The following UBE2K variants were observed in gnomAD, a reference collection of about 807,000 sequenced individuals.
UBE2K encodes the protein ubiquitin conjugating enzyme E2 K.
Under a neutral mutation model 30.0 loss-of-function variants are expected in UBE2K, and 6 were observed. The observed-to-expected ratio is 0.20, with a 90% CI of 0.11 to 0.39. UBE2K has a LOEUF of 0.39. Ranked by LOEUF, UBE2K falls within the 10% of genes least tolerant of loss-of-function variation. The pLI is 1.00. For synonymous variants in UBE2K, 86 were observed against 83.7 expected, an observed-to-expected ratio of 1.03 and a Z score of -0.15; for missense variants, 61 against 241.6, an observed-to-expected ratio of 0.25 and a Z score of 4.96.
chr4:39,751,824 G>C (rs997616628), intron 3 of UBE2K, among the ~76,000 whole-genome samples: 1 of 151,844 alleles, frequency 6.6e-6, no homozygotes, highest in Non-Finnish European at 1.5e-5. Flanking sequence ...AAAATTAGTC[G>C]GGTGTGGTGG....
At position 39,780,705 on chromosome 4, in the gene UBE2K, A is replaced by G. The variant is rs1358495150; in HGVS notation, c.*2271A>G. 1 of 151,950 alleles carries G rather than the reference A, an allele frequency of 6.6e-6. No individual in the cohort carries two copies. Among genetic ancestry groups the G allele is most frequent in the South Asian group, 2.1e-4 (1 of 4,832 alleles). 9.4% of individuals were successfully genotyped at this position (151,950 alleles called of 1,614,324 possible). A position where few individuals can be genotyped will look rare whatever the true frequency, so the allele number is the denominator to read the frequency against. On this transcript the variant is annotated 3_prime_UTR_variant, in exon 7 of 7. Coordinates refer to ENST00000261427, the MANE Select transcript of UBE2K (RefSeq NM_005339.5). ...GATGATCTTTTTTTTCCTTTCTGGT[A>G]TATTTCCCACTGTACTGTTTGGTTT... is the stretch of plus-strand genomic sequence containing the variant.
At chr4:39,709,577 G>T (rs1447248254) in intron 1 of UBE2K, among the ~76,000 whole-genome samples, 2 of 151,988 alleles carry the variant, frequency 1.3e-5, no homozygotes, top group African/African-American at 4.8e-5. Context: ...TTAATTTATA[G>T]ATTAAACTTT....
chr4:39,713,286 A>ATTTTTTTTTTTTTTTTTTTTT, intron 1 of UBE2K, among the ~76,000 whole-genome samples: 1 of 83,568 alleles, frequency 1.2e-5, no homozygotes, highest in Admixed American at 1.8e-4. Context: ...TCTGTAGGAA[A>ATTTTTTTTTTTTTTTTTTTTT]TTTTTTTTTT....
intron 1 of UBE2K, among the ~76,000 whole-genome samples, chr4:39,734,804 C>T (rs114052020): frequency 6.6e-5 from 10 of 152,058 alleles, no homozygotes; most frequent in African/African-American, 1.7e-4. Flanking sequence ...GGAGTGAGAC[C>T]GTGTCTTAAA....
At chr4:39,750,492 C>T (rs1393771125) in intron 3 of UBE2K, among the ~76,000 whole-genome samples, 1 of 152,134 alleles carries the variant, frequency 6.6e-6, no homozygotes, top group African/African-American at 2.4e-5. Flanking sequence ...CTTCCCAAAG[C>T]TAGTGAGTGT....
intron 4 of UBE2K, among the ~76,000 whole-genome samples, chr4:39,764,374 C>A (rs545480013): frequency 6.6e-6 from 1 of 151,038 alleles, no homozygotes; most frequent in African/African-American, 2.4e-5. Context: ...TCTAAATTTG[C>A]AGCTCTAGAT....
At chr4:39,748,102 T>A (rs1226670167) in intron 3 of UBE2K, among the ~76,000 whole-genome samples, 2 of 152,236 alleles carry the variant, frequency 1.3e-5, no homozygotes, top group African/African-American at 4.8e-5. Context: ...TCAGTAAAGG[T>A]GTAGCCTTTA....
intron 1 of UBE2K, among the ~76,000 whole-genome samples, chr4:39,704,131 C>T (rs185121461): frequency 2.0e-5 from 3 of 151,834 alleles, no homozygotes; most frequent in East Asian, 1.9e-4. Context: ...TGGCTCACAT[C>T]GGTAATTGCA....
intron 1 of UBE2K, among the ~76,000 whole-genome samples, chr4:39,704,220 C>T (rs1190057449): frequency 1.3e-5 from 2 of 151,906 alleles, no homozygotes; most frequent in East Asian, 1.9e-4. Context: ...TGTGCCACTG[C>T]ACTCCAGCCT....
chr4:39,736,524 C>T (rs1341943564), intron 1 of UBE2K, among the ~76,000 whole-genome samples: 1 of 152,170 alleles, frequency 6.6e-6, no homozygotes, highest in East Asian at 1.9e-4. Context: ...AGAGGATTTA[C>T]TGTATTTTTA....
intron 4 of UBE2K, among the ~76,000 whole-genome samples, chr4:39,773,131 A>G (rs562537551): frequency 6.6e-6 from 1 of 152,314 alleles, no homozygotes; most frequent in African/African-American, 2.4e-5. Context: ...GTTTAATCCA[A>G]AAAACTTGTC....
intron 1 of UBE2K, among the ~76,000 whole-genome samples, chr4:39,703,708 A>G (rs1328758453): frequency 2.6e-5 from 4 of 151,710 alleles, no homozygotes; most frequent in Non-Finnish European, 4.4e-5. Context: ...TTAGCCGGGC[A>G]TGGTGGTGAG....
chr4:39,775,349 T>G (rs1225515449), intron 5 of UBE2K, among the ~76,000 whole-genome samples: 1 of 152,230 alleles, frequency 6.6e-6, no homozygotes, highest in South Asian at 2.1e-4. Context: ...ACCTTGTAAT[T>G]TGTTGAACAG....
chr4:39,772,035 C>T (rs1258076484), intron 4 of UBE2K, among the ~76,000 whole-genome samples: 1 of 152,124 alleles, frequency 6.6e-6, no homozygotes, highest in African/African-American at 2.4e-5. Context: ...CAGTGTTTCG[C>T]CATGTTGCCC....
At position 39,698,454 on chromosome 4, in the gene UBE2K, G is replaced by A. The variant is rs952072005; in HGVS notation, c.63+64G>A. The A allele has an allele frequency of 7.5e-6, 11 of 1,475,936 alleles. No individual in the cohort carries two copies. The African/African-American group carries it at 1.4e-4, about 19-fold the overall frequency. 91.4% of individuals were successfully genotyped at this position (1,475,936 alleles called of 1,614,324 possible). ...GGGGCGGGAGGGTCCTCCCAGCTGC[G>A]ACCCCGATATCCCCGGTAGTCCCTG... On this transcript the variant is annotated intron_variant, in intron 1 of 6. Transcript: ENST00000261427.
At chr4:39,726,181 T>A (rs948413144) in intron 1 of UBE2K, among the ~76,000 whole-genome samples, 3 of 152,022 alleles carry the variant, frequency 2.0e-5, no homozygotes, top group African/African-American at 7.2e-5. Context: ...ATCCTCCCTA[T>A]ATGTCTGTCT....
At chr4:39,737,549 AT>A in intron 2 of UBE2K, 36 bp downstream of exon 2, 1 of 1,298,834 alleles carries the variant, frequency 7.7e-7, no homozygotes, top group South Asian at 1.4e-5. Flanking sequence ...TATTGTGCGT[AT>A]TAGAACTTGT....
At position 39,778,511 on chromosome 4, in the gene UBE2K, C is replaced by A; in HGVS notation, c.*77C>A. 1.0e-6 allele frequency: 1 copy of A among 969,724 alleles called. No homozygotes were observed. Among genetic ancestry groups the A allele is most frequent in the Non-Finnish European group, 1.6e-6 (1 of 633,472 alleles). The allele number at this position is 969,724 out of a possible 1,614,324, so 60.1% of individuals were successfully genotyped here. On this transcript the variant is annotated 3_prime_UTR_variant, in exon 7 of 7. Transcript: ENST00000261427. The stretch of plus-strand genomic sequence containing the variant: ...AACATCTGTTATTTTTAGGATTCTG[C>A]ATAGATTTCTTTTAAACTGGCATTC...
At chr4:39,698,578 G>C (rs1363333017) in intron 1 of UBE2K, among the ~76,000 whole-genome samples, 188 bp downstream of exon 1, 2 of 152,110 alleles carry the variant, frequency 1.3e-5, no homozygotes, top group East Asian at 3.9e-4. Flanking sequence ...GCGCTAGGAT[G>C]GACGGTCTCG....
Sources: gnomAD v4.1 joint callset for allele counts (sites outside exome capture counted in the v4.1 genomes callset) on GRCh38, gnomAD v4.1.1 for gene constraint, MANE v1.5 for transcripts, NCBI Gene and HGNC (gene_info 2026-07-23, HGNC 2026-07-21) for gene names.